Variants in FRMD5 observed in about 807,000 individuals in gnomAD.
FRMD5 encodes FERM domain-containing protein 5.
Under a neutral mutation model 69.0 loss-of-function variants are expected in FRMD5, and 20 were observed. The ratio of observed to expected loss-of-function variants is 0.29; its 90% CI spans 0.20 to 0.42. The LOEUF (loss-of-function observed/expected upper bound fraction) is 0.42, where lower values mean the gene tolerates loss of function less well. Among genes scored for constraint, FRMD5 ranks in the 10% least tolerant of loss-of-function variants. The probability of loss-of-function intolerance (pLI) is 1.00; values close to 1 mark genes in which losing one functional copy is unlikely to be tolerated. For synonymous variants in FRMD5, 271 were observed against 260.1 expected (o/e 1.04, Z -0.40); for missense variants, 595 against 708.6 (o/e 0.84, Z 1.82).
intron 1 of FRMD5, among the ~76,000 whole-genome samples, chr15:43,993,473 G>A (rs1889781792): frequency 1.3e-5 from 2 of 152,198 alleles, no homozygotes; most frequent in Non-Finnish European, 2.9e-5. Flanking sequence ...AATTACAGGC[G>A]TGAGCCACTG....
intron 1 of FRMD5, among the ~76,000 whole-genome samples, chr15:43,978,098 G>C (rs1000690216): frequency 1.3e-5 from 2 of 152,226 alleles, no homozygotes; most frequent in Non-Finnish European, 2.9e-5. Context: ...TCCTGACCGG[G>C]ACCGCTTGCA....
At chr15:44,071,440 A>T (rs942994617) in intron 1 of FRMD5, among the ~76,000 whole-genome samples, 1 of 152,072 alleles carries the variant, frequency 6.6e-6, no homozygotes, top group East Asian at 1.9e-4. Context: ...AAAACAAAAC[A>T]AAACAAAACA....
chr15:43,937,595 G>A (rs563062476), intron 1 of FRMD5, among the ~76,000 whole-genome samples: 6 of 148,482 alleles, frequency 4.0e-5, no homozygotes, highest in South Asian at 2.1e-4. Context: ...CCAAGATCGC[G>A]CCACTGCACT....
At chr15:44,084,065 TAAAAC>T (rs1180011307) in intron 1 of FRMD5, among the ~76,000 whole-genome samples, 2 of 152,058 alleles carry the variant, frequency 1.3e-5, no homozygotes, top group African/African-American at 2.4e-5. Flanking sequence ...TTATTTGTCT[TAAAAC>T]AATAGGGAAT....
intron 1 of FRMD5, among the ~76,000 whole-genome samples, chr15:44,152,505 G>GT (rs1480301797): frequency 6.6e-6 from 1 of 152,140 alleles, no homozygotes; most frequent in Non-Finnish European, 1.5e-5. Context: ...CAGAATAAGC[G>GT]TATGTTTAAT....
chr15:44,038,807 A>C (rs1892047174), intron 1 of FRMD5, among the ~76,000 whole-genome samples: 1 of 151,992 alleles, frequency 6.6e-6, no homozygotes, highest in African/African-American at 2.4e-5. Flanking sequence ...TACCGGGAGG[A>C]ACAGTGCACT....
intron 1 of FRMD5, among the ~76,000 whole-genome samples, chr15:44,173,571 G>A (rs1257713207): frequency 6.6e-6 from 1 of 152,106 alleles, no homozygotes; most frequent in African/African-American, 2.4e-5. Context: ...AGGCTGGAGT[G>A]CAGTGGCACA....
At chr15:44,169,528 A>G (rs985290221) in intron 1 of FRMD5, among the ~76,000 whole-genome samples, 1 of 152,206 alleles carries the variant, frequency 6.6e-6, no homozygotes, top group Non-Finnish European at 1.5e-5. Flanking sequence ...ATGAGAACAG[A>G]GTTATCCTGA....
At chr15:44,109,901 T>C (rs2076773433) in intron 1 of FRMD5, among the ~76,000 whole-genome samples, 1 of 152,242 alleles carries the variant, frequency 6.6e-6, no homozygotes, top group South Asian at 2.1e-4. Context: ...TGAAATCATA[T>C]AGTATACAAC....
intron 5 of FRMD5, among the ~76,000 whole-genome samples, chr15:43,906,297 A>G (rs78038252): frequency 0.027 from 4,040 of 152,262 alleles, 182 homozygotes; most frequent in African/African-American, 0.093. Context: ...TCTGGGAGCA[A>G]TGGTCTTTGT....
At chr15:44,153,399 ACT>A (rs2077477070) in intron 1 of FRMD5, among the ~76,000 whole-genome samples, 1 of 152,220 alleles carries the variant, frequency 6.6e-6, no homozygotes, top group Non-Finnish European at 1.5e-5. Flanking sequence ...AAGGAAGGAA[ACT>A]CTGACATAGG....
intron 1 of FRMD5, among the ~76,000 whole-genome samples, chr15:44,058,374 G>A (rs985017887): frequency 6.6e-6 from 1 of 152,064 alleles, no homozygotes. Context: ...ACTGCTAAGG[G>A]GCATGAGGTT....
intron 1 of FRMD5, among the ~76,000 whole-genome samples, chr15:44,054,264 G>A (rs930075255): frequency 6.6e-6 from 1 of 152,154 alleles, no homozygotes; most frequent in Non-Finnish European, 1.5e-5. Context: ...GTGAAAATGA[G>A]GCATTGAGGG....
intron 1 of FRMD5, among the ~76,000 whole-genome samples, chr15:44,107,157 G>A (rs891197866): frequency 2.0e-5 from 3 of 152,088 alleles, no homozygotes; most frequent in Admixed American, 6.5e-5. Context: ...ATTCACAAAC[G>A]AAATATTTGA....
At chr15:44,156,301 G>A (rs533184123) in intron 1 of FRMD5, among the ~76,000 whole-genome samples, 4 of 152,044 alleles carry the variant, frequency 2.6e-5, no homozygotes, top group African/African-American at 9.6e-5. Context: ...GCGCCACCAC[G>A]CCCAACCAAC....
intron 1 of FRMD5, among the ~76,000 whole-genome samples, chr15:43,932,081 G>A (rs747442818): frequency 6.6e-6 from 1 of 152,202 alleles, no homozygotes; most frequent in Non-Finnish European, 1.5e-5. Context: ...ATCTAAGGAT[G>A]ACTGTGGGGC....
chr15:44,155,629 T>C (rs2077514984), intron 1 of FRMD5, among the ~76,000 whole-genome samples: 1 of 151,986 alleles, frequency 6.6e-6, no homozygotes, highest in African/African-American at 2.4e-5. Context: ...AGTCTCGCTC[T>C]GTCACCTAGG....
At chr15:44,154,609 G>C (rs1451127515) in intron 1 of FRMD5, among the ~76,000 whole-genome samples, 1 of 152,190 alleles carries the variant, frequency 6.6e-6, no homozygotes, top group Non-Finnish European at 1.5e-5. Context: ...TTAGTGAACT[G>C]TTTTCCCTGC....
At chr15:44,050,804 C>T (rs553989948) in intron 1 of FRMD5, among the ~76,000 whole-genome samples, 9 of 151,538 alleles carry the variant, frequency 5.9e-5, no homozygotes, top group Non-Finnish European at 1.0e-4. Flanking sequence ...ATTACAGGTG[C>T]GCACCACCAC....
Sources: allele counts gnomAD v4.1 joint callset (sites outside exome capture counted in the v4.1 genomes callset), GRCh38; gene constraint gnomAD v4.1.1; transcripts MANE v1.5; gene names NCBI Gene and HGNC (gene_info 2026-07-23, HGNC 2026-07-21).